SEMA6D: variants seen among roughly 807,000 people sequenced by gnomAD.
The protein encoded by SEMA6D is semaphorin-6D.
In SEMA6D, 35 loss-of-function variants were observed where a neutral mutation model predicts 106.6. The observed-to-expected ratio is 0.33, with a 90% confidence interval of 0.25 to 0.44. The LOEUF (loss-of-function observed/expected upper bound fraction) is 0.44, where lower values mean the gene tolerates loss of function less well. Among genes scored for constraint, SEMA6D ranks in the 20% least tolerant of loss-of-function variants. The pLI is 1.00. For synonymous variants in SEMA6D, 499 were observed against 487.7 expected (o/e 1.02, Z -0.31); for missense variants, 1,185 against 1,345.9 (o/e 0.88, Z 1.87).
At chr15:47,304,330 A>C (rs1000613462) in intron 1 of SEMA6D, among the ~76,000 whole-genome samples, 15 of 151,066 alleles carry the variant, frequency 9.9e-5, no homozygotes, top group African/African-American at 3.4e-4. Context: ...CCTGTAACCC[A>C]AGCTACTCAG....
At chr15:47,247,525 T>G (rs934416202) in intron 1 of SEMA6D, among the ~76,000 whole-genome samples, 1 of 152,220 alleles carries the variant, frequency 6.6e-6, no homozygotes, top group East Asian at 1.9e-4. Context: ...AATATGATTT[T>G]ACATGAATTA....
At chr15:47,420,686 T>C (rs2041123956) in intron 2 of SEMA6D, among the ~76,000 whole-genome samples, 1 of 152,142 alleles carries the variant, frequency 6.6e-6, no homozygotes. Flanking sequence ...TCTAAAACAA[T>C]TCTAAAACCA....
rs2082355818 is a variant in SEMA6D, at chr15:47,766,617, G to C, written c.1648G>C (p.Ala550Pro). 1 of 1,612,746 alleles carries C rather than the reference G, an allele frequency of 6.2e-7. No individual in the cohort carries two copies. ...SCGRVTPGML[A>P]EGYEQDTEFG... ...CTTCTTTGCTTTCCATAACCACAGT[G>C]CTGAAGGATATGAACAAGACACAGA... The change falls in exon 16 of 19, where the codon GCT (alanine) becomes CCT (proline). Residue 550 changes from alanine (A) to proline (P), a missense_variant and splice_region_variant. By Grantham distance (27) the Ala-to-Pro change is conservative. Around this residue, in one of 3 missense-constraint regions of SEMA6D, gnomAD observed 750 missense variants for 783.5 expected, o/e 0.96. Coordinates refer to ENST00000536845, the MANE Select transcript of SEMA6D (RefSeq NM_001358351.3).
chr15:47,589,559 T>C (rs575022340), intron 3 of SEMA6D, among the ~76,000 whole-genome samples: 4 of 152,244 alleles, frequency 2.6e-5, no homozygotes, highest in Admixed American at 6.5e-5. Flanking sequence ...CTACCCACTT[T>C]CCATCTTTAA....
chr15:47,256,858 CAAAAAA>C (rs898404428), intron 1 of SEMA6D, among the ~76,000 whole-genome samples: 36 of 151,254 alleles, frequency 2.4e-4, no homozygotes, highest in African/African-American at 8.8e-4. Flanking sequence ...GATTCTGTCC[CAAAAAA>C]TAAAAATAAA....
intron 1 of SEMA6D, among the ~76,000 whole-genome samples, chr15:47,304,090 G>A (rs1302277950): frequency 1.3e-5 from 2 of 152,092 alleles, no homozygotes; most frequent in African/African-American, 4.8e-5. Flanking sequence ...ATACCATTAT[G>A]CATACATTTT....
intron 1 of SEMA6D, chr15:47,395,619 T>C (rs1206798465): frequency 6.6e-6 from 1 of 152,192 alleles, no homozygotes; most frequent in African/African-American, 2.4e-5. Flanking sequence ...GCAGGAGCTA[T>C]CATGTGGAGA....
intron 1 of SEMA6D, among the ~76,000 whole-genome samples, chr15:47,279,990 T>C (rs1179635211): frequency 2.0e-5 from 3 of 151,214 alleles, no homozygotes; most frequent in Admixed American, 2.0e-4. Context: ...AAAATTCTCT[T>C]TTTTGGTTGT....
At chr15:47,441,380 A>ATTTTTTTTT (rs1194243334) in intron 2 of SEMA6D, among the ~76,000 whole-genome samples, 1 of 152,120 alleles carries the variant, frequency 6.6e-6, no homozygotes, top group East Asian at 1.9e-4. Flanking sequence ...TAAATTTGTA[A>ATTTTTTTTT]TGTAAGTTGG....
chr15:47,320,155 T>C (rs948367801), intron 1 of SEMA6D, among the ~76,000 whole-genome samples: 4 of 152,142 alleles, frequency 2.6e-5, no homozygotes, highest in African/African-American at 9.7e-5. Context: ...AAACTTTTTA[T>C]TCCCTCTGCC....
intron 1 of SEMA6D, among the ~76,000 whole-genome samples, chr15:47,196,499 T>C (rs1460792354): frequency 6.6e-6 from 1 of 152,180 alleles, no homozygotes; most frequent in Non-Finnish European, 1.5e-5. Flanking sequence ...TATGGGGAAA[T>C]TGAGCAGTTT....
At chr15:47,275,328 A>G (rs1244315288) in intron 1 of SEMA6D, among the ~76,000 whole-genome samples, 1 of 152,198 alleles carries the variant, frequency 6.6e-6, no homozygotes, top group Non-Finnish European at 1.5e-5. Flanking sequence ...CACTGTTAGT[A>G]TAAGGATACC....
intron 4 of SEMA6D, among the ~76,000 whole-genome samples, chr15:47,625,013 C>A (rs1459732195): frequency 6.6e-6 from 1 of 152,162 alleles, no homozygotes; most frequent in East Asian, 1.9e-4. Context: ...TAATGAACAT[C>A]CTCTCCTTCA....
At chr15:47,327,481 ATTACT>A (rs1447607258) in intron 1 of SEMA6D, among the ~76,000 whole-genome samples, 3 of 152,196 alleles carry the variant, frequency 2.0e-5, no homozygotes, top group African/African-American at 4.8e-5. Flanking sequence ...TTGTGGTAAA[ATTACT>A]TTATATTTCT....
intron 1 of SEMA6D, among the ~76,000 whole-genome samples, chr15:47,257,847 G>A (rs372801645): frequency 2.0e-5 from 3 of 152,146 alleles, no homozygotes; most frequent in African/African-American, 7.2e-5. Context: ...CTGAAGAAGA[G>A]TGTTAATGTT....
chr15:47,567,443 A>C (rs1206953734), intron 3 of SEMA6D, among the ~76,000 whole-genome samples: 1 of 152,200 alleles, frequency 6.6e-6, no homozygotes, highest in African/African-American at 2.4e-5. Flanking sequence ...TTTACTAGTT[A>C]ATGTTCCTCA....
intron 18 of SEMA6D, among the ~76,000 whole-genome samples, chr15:47,769,345 C>A (rs1317776053): frequency 4.6e-5 from 7 of 152,146 alleles, no homozygotes; most frequent in Admixed American, 2.6e-4. Flanking sequence ...TTAGTACTTA[C>A]TAAACTATGG....
chr15:47,364,888 TAGG>T (rs1337747797), intron 1 of SEMA6D, among the ~76,000 whole-genome samples: 1 of 152,036 alleles, frequency 6.6e-6, no homozygotes, highest in African/African-American at 2.4e-5. Flanking sequence ...GGCTGCACAG[TAGG>T]AGTATTGCAC....
intron 1 of SEMA6D, among the ~76,000 whole-genome samples, chr15:47,375,929 C>T (rs1486388245): frequency 6.6e-6 from 1 of 152,190 alleles, no homozygotes; most frequent in Non-Finnish European, 1.5e-5. Context: ...AAACTGAGTG[C>T]ATTCCCAGAA....
Sources: allele counts gnomAD v4.1 joint callset (sites outside exome capture counted in the v4.1 genomes callset), GRCh38; gene constraint gnomAD v4.1.1; regional missense constraint gnomAD v4.1.1; transcripts MANE v1.5; gene names NCBI Gene and HGNC (gene_info 2026-07-23, HGNC 2026-07-21).